KHDRBS2: variants seen among roughly 807,000 people sequenced by gnomAD.
The protein encoded by KHDRBS2 is KH domain-containing, RNA-binding, signal transduction-associated protein 2.
A neutral mutation model predicts 44.3 loss-of-function variants in KHDRBS2; 26 were observed. That is an observed-to-expected ratio of 0.59 (90% CI 0.43 to 0.81). The LOEUF is 0.81. Ranked by LOEUF, KHDRBS2 falls within the 40% of genes least tolerant of loss-of-function variation. The pLI is 0.00. For synonymous variants in KHDRBS2, 194 were observed against 151.1 expected (o/e 1.28, Z -2.08); for missense variants, 476 against 433.1 (o/e 1.10, Z -0.88).
At chr6:62,026,771 T>A (rs1334336264) in intron 3 of KHDRBS2, among the ~76,000 whole-genome samples, 1 of 152,068 alleles carries the variant, frequency 6.6e-6, no homozygotes, top group African/African-American at 2.4e-5. Flanking sequence ...GTTCACATTA[T>A]CTTTTCTTAA....
intron 2 of KHDRBS2, among the ~76,000 whole-genome samples, chr6:62,169,246 T>A (rs967220574): frequency 6.6e-6 from 1 of 150,508 alleles, no homozygotes; most frequent in East Asian, 2.0e-4. Context: ...TGTGTGTATA[T>A]ATATTTCTTT....
intron 2 of KHDRBS2, among the ~76,000 whole-genome samples, chr6:62,142,568 G>A (rs1334324687): frequency 6.6e-6 from 1 of 151,944 alleles, no homozygotes; most frequent in Non-Finnish European, 1.5e-5. Context: ...CAGTAGCACT[G>A]TTCCTAGCTC....
chr6:61,970,443 A>G (rs1390692702), intron 4 of KHDRBS2, among the ~76,000 whole-genome samples: 3 of 152,096 alleles, frequency 2.0e-5, no homozygotes, highest in Admixed American at 1.3e-4. Context: ...TTCTAAGTAT[A>G]AGGTGAACTA....
At chr6:61,617,040 G>A in the KHDRBS2 span, among the ~76,000 whole-genome samples, 1 of 152,092 alleles carries the variant, frequency 6.6e-6, no homozygotes, top group African/African-American at 2.4e-5. Flanking sequence ...CTAAGTTCCA[G>A]TTGAGGCTAC....
intron 2 of KHDRBS2, among the ~76,000 whole-genome samples, chr6:62,115,077 G>T (rs1181359387): frequency 2.6e-5 from 4 of 152,078 alleles, no homozygotes; most frequent in African/African-American, 9.7e-5. Flanking sequence ...GACTAAGTTG[G>T]AGTATTAAAA....
intron 4 of KHDRBS2, among the ~76,000 whole-genome samples, chr6:61,950,334 C>T (rs757956146): frequency 1.3e-5 from 2 of 152,010 alleles, no homozygotes; most frequent in Admixed American, 6.6e-5. Context: ...ACTGATATCA[C>T]CAACTTCCTT....
intron 2 of KHDRBS2, among the ~76,000 whole-genome samples, chr6:62,127,790 A>G (rs905465759): frequency 6.6e-6 from 1 of 152,136 alleles, no homozygotes; most frequent in Non-Finnish European, 1.5e-5. Context: ...TTTCCACATA[A>G]CACTTCAAGA....
chr6:61,770,552 T>G (rs1780712369), intron 6 of KHDRBS2, among the ~76,000 whole-genome samples: 1 of 152,124 alleles, frequency 6.6e-6, no homozygotes, highest in Non-Finnish European at 1.5e-5. Context: ...GAAGCCTCAG[T>G]AGACGATGCG....
rs1807743744 is a variant in KHDRBS2 at position 61,919,933 on chromosome 6, T to C, written c.484-18562A>G. Among the ~76,000 whole-genome samples the C allele has an allele frequency of 3.9e-5, 6 of 151,946 alleles. 1 individual carries two copies. The South Asian group carries it at 1.2e-3, about 31-fold the overall frequency. ...TCACTTTAGTACTCTTTTTTTCCTC[T>C]TTTATGATTCTACGAATGGTTTGAG... On this transcript the variant is annotated intron_variant, in intron 4 of 8. Coordinates refer to ENST00000281156, the MANE Select transcript of KHDRBS2 (RefSeq NM_152688.4).
intron 3 of KHDRBS2, among the ~76,000 whole-genome samples, chr6:62,039,593 G>T (rs1253326515): frequency 1.3e-5 from 2 of 151,952 alleles, no homozygotes; most frequent in African/African-American, 4.8e-5. Flanking sequence ...TCTAGGTATT[G>T]CACAGACTGA....
intron 4 of KHDRBS2, among the ~76,000 whole-genome samples, chr6:61,914,774 A>G (rs1305457810): frequency 2.0e-5 from 3 of 152,126 alleles, no homozygotes; most frequent in Non-Finnish European, 2.9e-5. Context: ...AGACTGGAAA[A>G]TCATGAATAA....
At chr6:61,852,815 G>A (rs1379655921) in intron 6 of KHDRBS2, among the ~76,000 whole-genome samples, 1 of 152,084 alleles carries the variant, frequency 6.6e-6, no homozygotes, top group Non-Finnish European at 1.5e-5. Flanking sequence ...GAGTGTGTGT[G>A]TGTATATGTG....
chr6:62,048,705 C>G (rs1258324421), intron 2 of KHDRBS2, among the ~76,000 whole-genome samples: 1 of 151,842 alleles, frequency 6.6e-6, no homozygotes, highest in African/African-American at 2.4e-5. Context: ...GCTTAATCAT[C>G]TTGAAACATA....
the KHDRBS2 span, among the ~76,000 whole-genome samples, chr6:61,559,969 C>G: frequency 1.3e-5 from 2 of 152,130 alleles, no homozygotes; most frequent in African/African-American, 4.8e-5. Flanking sequence ...CTGAATAACT[C>G]CATTTAGCAT....
chr6:61,555,022 T>C, the KHDRBS2 span, among the ~76,000 whole-genome samples: 1 of 152,168 alleles, frequency 6.6e-6, no homozygotes, highest in Non-Finnish European at 1.5e-5. Flanking sequence ...GGGTTTTTTT[T>C]GCACTTCCTG....
chr6:61,676,773 C>T (rs1490438091), downstream of KHDRBS2, among the ~76,000 whole-genome samples: 1 of 151,768 alleles, frequency 6.6e-6, no homozygotes, highest in Non-Finnish European at 1.5e-5. Context: ...GTTCCAAACC[C>T]ATCTGAGGCT....
At chr6:62,153,505 G>A (rs867633459) in intron 2 of KHDRBS2, among the ~76,000 whole-genome samples, 2 of 149,652 alleles carry the variant, frequency 1.3e-5, no homozygotes, top group African/African-American at 2.5e-5. Flanking sequence ...TTTTTTTTAA[G>A]CACGAAAAAG....
At chr6:61,941,562 C>T (rs543772828) in intron 4 of KHDRBS2, among the ~76,000 whole-genome samples, 1 of 152,132 alleles carries the variant, frequency 6.6e-6, no homozygotes, top group Admixed American at 6.6e-5. Context: ...GAAGACTGAT[C>T]TAACCTGGTG....
At chr6:61,706,945 A>G in intron 7 of KHDRBS2, among the ~76,000 whole-genome samples, 1 of 151,598 alleles carries the variant, frequency 6.6e-6, no homozygotes, top group East Asian at 1.9e-4. Flanking sequence ...CAAAAACAAA[A>G]ACAAAAACAA....
Sources: gnomAD v4.1 joint callset for allele counts (sites outside exome capture counted in the v4.1 genomes callset) on GRCh38, gnomAD v4.1.1 for gene constraint, MANE v1.5 for transcripts, NCBI Gene and HGNC (gene_info 2026-07-23, HGNC 2026-07-21) for gene names.